SEMA6D: variants seen among roughly 807,000 people sequenced by gnomAD.
SEMA6D encodes the protein semaphorin-6D.
In SEMA6D, 35 loss-of-function variants were observed where a neutral mutation model predicts 106.6. The observed-to-expected ratio is 0.33, with a 90% confidence interval of 0.25 to 0.44. The LOEUF (loss-of-function observed/expected upper bound fraction) is 0.44, where lower values mean the gene tolerates loss of function less well. Among genes scored for constraint, SEMA6D ranks in the 20% least tolerant of loss-of-function variants. The pLI, the probability that SEMA6D is intolerant of heterozygous loss-of-function variation, is 1.00. For synonymous variants in SEMA6D, 499 were observed against 487.7 expected (o/e 1.02, Z -0.31); for missense variants, 1,185 against 1,345.9 (o/e 0.88, Z 1.87).
intron 4 of SEMA6D, among the ~76,000 whole-genome samples, chr15:47,682,055 G>A (rs921705646): frequency 6.6e-6 from 1 of 151,332 alleles, no homozygotes; most frequent in Non-Finnish European, 1.5e-5. Context: ...ACTGAGTAAG[G>A]CAGGATTTAG....
At chr15:47,447,462 G>A (rs1297308192) in intron 2 of SEMA6D, among the ~76,000 whole-genome samples, 2 of 152,102 alleles carry the variant, frequency 1.3e-5, no homozygotes, top group Admixed American at 1.3e-4. Flanking sequence ...GACTGGGATT[G>A]GGGAGCTTGC....
intron 1 of SEMA6D, among the ~76,000 whole-genome samples, chr15:47,374,398 T>C (rs2039380277): frequency 6.6e-6 from 1 of 152,134 alleles, no homozygotes. Flanking sequence ...AGGTGAGGGC[T>C]GAATCTTCTC....
At chr15:47,400,631 T>G (rs1445505211) in intron 1 of SEMA6D, among the ~76,000 whole-genome samples, 1 of 152,204 alleles carries the variant, frequency 6.6e-6, no homozygotes, top group Non-Finnish European at 1.5e-5. Context: ...ACAGGCTGAC[T>G]GTGGTTGAGA....
intron 1 of SEMA6D, among the ~76,000 whole-genome samples, chr15:47,310,290 A>C (rs2036398765): frequency 6.6e-6 from 1 of 152,204 alleles, no homozygotes; most frequent in African/African-American, 2.4e-5. Flanking sequence ...GAACTGAAAG[A>C]TAAAAGCAGC....
At chr15:47,451,307 T>C (rs2042184798) in intron 2 of SEMA6D, among the ~76,000 whole-genome samples, 1 of 151,908 alleles carries the variant, frequency 6.6e-6, no homozygotes, top group Non-Finnish European at 1.5e-5. Flanking sequence ...TACTGGGCGA[T>C]CAAAAGCTTC....
intron 1 of SEMA6D, among the ~76,000 whole-genome samples, chr15:47,381,977 G>T (rs907088147): frequency 6.6e-6 from 1 of 152,098 alleles, no homozygotes; most frequent in African/African-American, 2.4e-5. Flanking sequence ...TTTAGGGAGG[G>T]CACAGGTGGA....
chr15:47,311,581 T>C (rs2036449918), intron 1 of SEMA6D, among the ~76,000 whole-genome samples: 1 of 152,196 alleles, frequency 6.6e-6, no homozygotes, highest in Non-Finnish European at 1.5e-5. Flanking sequence ...AAAGGGTGTA[T>C]TTCCATTTCT....
chr15:47,519,724 T>C (rs1717909317), intron 3 of SEMA6D, among the ~76,000 whole-genome samples: 1 of 152,322 alleles, frequency 6.6e-6, no homozygotes. Context: ...CAATGAACAA[T>C]GTATAAGGCT....
chr15:47,276,488 T>G lies in SEMA6D; in HGVS notation c.-239+92070T>G, dbSNP rs1011954168. ...GCCATTCCAAAAAATCCTAGGAGTC[T>G]TTAAGAATTATGCTAACTCTGCTCT... On this transcript the variant is annotated intron_variant, in intron 1 of 19. Transcript: ENST00000558014. 1.4e-4 allele frequency among the ~76,000 whole-genome samples: 22 copies of G among 152,144 alleles called. 1 individual carries two copies. Among genetic ancestry groups the G allele is most frequent in the African/African-American group, 5.3e-4 (22 of 41,444 alleles).
chr15:47,535,112 A>G (rs1042620961), intron 3 of SEMA6D, among the ~76,000 whole-genome samples: 1 of 148,316 alleles, frequency 6.7e-6, no homozygotes. Context: ...AAAAAACACA[A>G]AAAAACACAA....
intron 4 of SEMA6D, among the ~76,000 whole-genome samples, chr15:47,646,771 A>G (rs1399894540): frequency 1.3e-5 from 2 of 152,208 alleles, no homozygotes; most frequent in Non-Finnish European, 2.9e-5. Context: ...TTATGTATTC[A>G]CTAGGTAAAT....
chr15:47,270,221 G>GT (rs1382527566), intron 1 of SEMA6D, among the ~76,000 whole-genome samples: 3 of 148,700 alleles, frequency 2.0e-5, no homozygotes, highest in Non-Finnish European at 4.5e-5. Context: ...ATGTATATAT[G>GT]TATTTGATTT....
At chr15:47,440,733 G>T (rs1452833848) in intron 2 of SEMA6D, among the ~76,000 whole-genome samples, 1 of 151,948 alleles carries the variant, frequency 6.6e-6, no homozygotes, top group Admixed American at 6.6e-5. Context: ...ATTTTGTGTT[G>T]GTCAATAAGA....
At chr15:47,537,000 A>C (rs887349593) in intron 3 of SEMA6D, among the ~76,000 whole-genome samples, 2 of 152,226 alleles carry the variant, frequency 1.3e-5, no homozygotes, top group African/African-American at 4.8e-5. Flanking sequence ...TGCATCTATA[A>C]GCAGTTAGAT....
At chr15:47,381,686 A>G (rs1011144032) in intron 1 of SEMA6D, among the ~76,000 whole-genome samples, 15 of 152,246 alleles carry the variant, frequency 9.9e-5, no homozygotes, top group Admixed American at 7.8e-4. Context: ...TTGTGACCCA[A>G]CTCTAAAAGA....
At chr15:47,475,864 G>A (rs1229283031) in intron 3 of SEMA6D, among the ~76,000 whole-genome samples, 1 of 152,128 alleles carries the variant, frequency 6.6e-6, no homozygotes, top group Non-Finnish European at 1.5e-5. Flanking sequence ...GTCTAATAAT[G>A]CCTCTGTATT....
intron 3 of SEMA6D, among the ~76,000 whole-genome samples, chr15:47,519,295 T>G (rs907891625): frequency 1.3e-5 from 2 of 152,188 alleles, no homozygotes; most frequent in Non-Finnish European, 2.9e-5. Context: ...CACAAACATG[T>G]GAGTAATGCG....
At chr15:47,730,704 A>G in intron 1 of SEMA6D, 1 of 1,607,404 alleles carries the variant, frequency 6.2e-7, no homozygotes, top group Non-Finnish European at 8.5e-7. Flanking sequence ...GGTTAATCGC[A>G]GGAGGCACTT....
intron 3 of SEMA6D, among the ~76,000 whole-genome samples, chr15:47,587,627 A>G (rs1224181356): frequency 6.6e-6 from 1 of 152,158 alleles, no homozygotes; most frequent in Non-Finnish European, 1.5e-5. Context: ...TTAGGCTTTG[A>G]GGGCCATACA....
Sources: allele counts gnomAD v4.1 joint callset (sites outside exome capture counted in the v4.1 genomes callset), GRCh38; gene constraint gnomAD v4.1.1; transcripts MANE v1.5; gene names NCBI Gene and HGNC (gene_info 2026-07-23, HGNC 2026-07-21).